EDIL3: variants seen among roughly 807,000 people sequenced by gnomAD.
The protein encoded by EDIL3 is EGF like and discoidin domains 3.
A neutral mutation model predicts 67.4 loss-of-function variants in EDIL3; 37 were observed. That is an observed-to-expected ratio of 0.55 (90% CI 0.42 to 0.72). The LOEUF (loss-of-function observed/expected upper bound fraction) is 0.72, where lower values mean the gene tolerates loss of function less well. Ranked by LOEUF, EDIL3 falls within the 30% of genes least tolerant of loss-of-function variation. EDIL3 has a pLI of 0.00. For synonymous variants in EDIL3, 195 were observed against 196.3 expected, an observed-to-expected ratio of 0.99 and a Z score of 0.05; for missense variants, 527 against 586.3, an observed-to-expected ratio of 0.90 and a Z score of 1.04.
At chr5:84,021,264 G>A (rs1447236354) in intron 9 of EDIL3, among the ~76,000 whole-genome samples, 2 of 151,002 alleles carry the variant, frequency 1.3e-5, no homozygotes, top group African/African-American at 4.9e-5. Flanking sequence ...CTGCTAATTT[G>A]GGGCTTGTTA....
At chr5:84,329,460 G>A (rs984846753) in intron 1 of EDIL3, among the ~76,000 whole-genome samples, 6 of 152,026 alleles carry the variant, frequency 3.9e-5, no homozygotes, top group Non-Finnish European at 8.8e-5. Context: ...ATTACACAGT[G>A]CTTGTTATGA....
chr5:84,059,836 A>G (rs1166461562), intron 9 of EDIL3, among the ~76,000 whole-genome samples: 1 of 152,174 alleles, frequency 6.6e-6, no homozygotes, highest in African/African-American at 2.4e-5. Flanking sequence ...ATCTGTTTTG[A>G]GAATGTAATC....
chr5:84,070,706 C>G (rs1561421703), intron 6 of EDIL3, among the ~76,000 whole-genome samples: 1 of 150,800 alleles, frequency 6.6e-6, no homozygotes, highest in Non-Finnish European at 1.5e-5. Context: ...CTTGACAAGA[C>G]AGCAACTAGC....
At chr5:84,237,286 C>T (rs532570524) in intron 2 of EDIL3, among the ~76,000 whole-genome samples, 1 of 152,126 alleles carries the variant, frequency 6.6e-6, no homozygotes, top group South Asian at 2.1e-4. Flanking sequence ...ATGAATTGAT[C>T]AGCAATACTG....
intron 9 of EDIL3, chr5:84,047,517 T>G (rs1746245161): frequency 6.6e-6 from 1 of 152,108 alleles, no homozygotes; most frequent in African/African-American, 2.4e-5. Flanking sequence ...TCTGTATCAA[T>G]AATTGTTACA....
At chr5:84,144,442 A>G (rs919730045) in intron 4 of EDIL3, among the ~76,000 whole-genome samples, 12 of 152,096 alleles carry the variant, frequency 7.9e-5, no homozygotes, top group African/African-American at 2.9e-4. Flanking sequence ...GTTACAGTGT[A>G]AGGTAACAAG....
At chr5:84,185,710 A>G (rs1743414024) in intron 3 of EDIL3, among the ~76,000 whole-genome samples, 1 of 152,100 alleles carries the variant, frequency 6.6e-6, no homozygotes, top group Non-Finnish European at 1.5e-5. Context: ...AGTCCTTTAA[A>G]TTTATAATTA....
intron 2 of EDIL3, among the ~76,000 whole-genome samples, chr5:84,240,940 A>C (rs7707598): frequency 0.81 from 122,261 of 151,434 alleles, 49,717 homozygotes; most frequent in East Asian, 0.95. Flanking sequence ...TGTTTTTCTA[A>C]TTTTTTATCA....
intron 1 of EDIL3, among the ~76,000 whole-genome samples, chr5:84,286,882 T>C (rs1219843393): frequency 6.6e-6 from 1 of 152,200 alleles, no homozygotes; most frequent in Non-Finnish European, 1.5e-5. Context: ...CACTGAGGTT[T>C]TAAGCTGAAC....
chr5:84,012,400 G>A (rs554896504), intron 9 of EDIL3, among the ~76,000 whole-genome samples: 151 of 152,290 alleles, frequency 9.9e-4, no homozygotes, highest in African/African-American at 3.4e-3. Context: ...CATTATGCAT[G>A]TCACTGCAAC....
At chr5:84,139,022 A>G (rs1462287369) in intron 4 of EDIL3, among the ~76,000 whole-genome samples, 1 of 152,140 alleles carries the variant, frequency 6.6e-6, no homozygotes. Context: ...GGTGGATCAC[A>G]AGGCCAGTAG....
intron 4 of EDIL3, 89 bp from the exon 5 acceptor site, chr5:84,137,443 CT>C: frequency 9.1e-7 from 1 of 1,101,582 alleles, no homozygotes; most frequent in Non-Finnish European, 1.3e-6. Flanking sequence ...ATACAAATGT[CT>C]TAGTAATGCT....
chr5:84,263,201 C>A (rs957380384), intron 1 of EDIL3, among the ~76,000 whole-genome samples: 1 of 152,106 alleles, frequency 6.6e-6, no homozygotes, highest in Non-Finnish European at 1.5e-5. Context: ...GAGAGGGCCA[C>A]CAAACCCAGA....
chr5:84,052,936 T>C (rs1366532464), intron 9 of EDIL3, among the ~76,000 whole-genome samples: 1 of 152,086 alleles, frequency 6.6e-6, no homozygotes, highest in Non-Finnish European at 1.5e-5. Context: ...AGGAATTGAA[T>C]TCAGCTCTGC....
At chr5:83,949,106 A>G (rs1418957872) in intron 10 of EDIL3, among the ~76,000 whole-genome samples, 1 of 151,846 alleles carries the variant, frequency 6.6e-6, no homozygotes, top group Non-Finnish European at 1.5e-5. Flanking sequence ...GACTTTGTTA[A>G]TAAGTGTCTA....
chr5:84,285,558 T>C (rs958881299), intron 1 of EDIL3, among the ~76,000 whole-genome samples: 2 of 152,222 alleles, frequency 1.3e-5, no homozygotes, highest in Non-Finnish European at 2.9e-5. Flanking sequence ...AAACACTTTG[T>C]CTGTAGGATA....
rs1045388206 is a variant in EDIL3 at position 83,940,663 on chromosome 5, G to A, written c.*2756C>T. 1 of 151,872 alleles carries A rather than the reference G, an allele frequency of 6.6e-6. No homozygotes were observed. The highest frequency in any genetic ancestry group is 2.4e-5 in the African/African-American group (1 of 41,384). The allele number at this position is 151,872 out of a possible 1,614,324, so 9.4% of individuals were successfully genotyped here. A position where few individuals can be genotyped will look rare whatever the true frequency, so the allele number is the denominator to read the frequency against. ...AGGTCATACTGGTTTTACATCCTAC[G>A]TGATATAAGTATATATACAAAGAAA... On this transcript the variant is annotated 3_prime_UTR_variant, in exon 11 of 11. Transcript: ENST00000296591.
At chr5:84,310,098 C>T (rs1344619075) in intron 1 of EDIL3, among the ~76,000 whole-genome samples, 1 of 152,232 alleles carries the variant, frequency 6.6e-6, no homozygotes, top group African/African-American at 2.4e-5. Flanking sequence ...AAATTAATAA[C>T]AATTCTGACA....
At position 84,080,875 on chromosome 5, in the gene EDIL3, A is replaced by C. The variant is rs556284696; in HGVS notation, c.652-14269T>G. Reference sequence around the variant, plus strand: ...ATCAAGGTTTTTAGTAACTAACCAAACACTAGTTCTGATGCTCCAGATAAA... The same window carrying C: ...ATCAAGGTTTTTAGTAACTAACCAACCACTAGTTCTGATGCTCCAGATAAA... On this transcript the variant is annotated intron_variant, in intron 6 of 10. Transcript: ENST00000296591. Among the ~76,000 whole-genome samples the C allele has an allele frequency of 3.1e-3, 479 of 152,328 alleles. 1 individual carries two copies. The highest frequency in any genetic ancestry group is 5.5e-3 in the Non-Finnish European group (373 of 68,010).
Sources: gnomAD v4.1 joint callset for allele counts (sites outside exome capture counted in the v4.1 genomes callset) on GRCh38, gnomAD v4.1.1 for gene constraint, MANE v1.5 for transcripts, NCBI Gene and HGNC (gene_info 2026-07-23, HGNC 2026-07-21) for gene names.